The following MSR1 variants were observed in gnomAD, a reference collection of about 807,000 sequenced individuals.
MSR1 encodes macrophage scavenger receptor 1.
Under a neutral mutation model 47.2 loss-of-function variants are expected in MSR1, and 53 were observed. That is an observed-to-expected ratio of 1.12 (90% CI 0.90 to 1.41). The LOEUF (loss-of-function observed/expected upper bound fraction) is 1.41. Among genes scored for constraint, MSR1 ranks in the 40% most tolerant of loss-of-function variants. The pLI is 0.00. For synonymous variants in MSR1, 239 were observed against 185.6 expected, an observed-to-expected ratio of 1.29 and a Z score of -2.34; for missense variants, 786 against 546.9, an observed-to-expected ratio of 1.44 and a Z score of -4.36.
intron 8 of MSR1, among the ~76,000 whole-genome samples, chr8:16,132,384 T>C (rs1222758078): frequency 2.0e-5 from 3 of 152,158 alleles, no homozygotes; most frequent in Non-Finnish European, 2.9e-5. Context: ...GAAAGAGCTT[T>C]TGGGTCAAGA....
intron 8 of MSR1, among the ~76,000 whole-genome samples, chr8:16,136,705 C>T (rs144838426): frequency 6.6e-6 from 1 of 151,994 alleles, no homozygotes; most frequent in Non-Finnish European, 1.5e-5. Context: ...TGGGTTCAAG[C>T]GATTCTCCTG....
At chr8:16,139,900 A>T (rs1361719821) in intron 8 of MSR1, 4 of 413,426 alleles carry the variant, frequency 9.7e-6, no homozygotes, top group African/African-American at 2.3e-5. Flanking sequence ...AGGAATTAAA[A>T]TTTTTTTATC....
intron 8 of MSR1, among the ~76,000 whole-genome samples, chr8:16,131,358 C>A (rs1356039295): frequency 6.7e-6 from 1 of 149,958 alleles, no homozygotes; most frequent in African/African-American, 2.5e-5. Context: ...AAGTTCCTTA[C>A]AGATTCTGGA....
chr8:16,175,051 T>C (rs1801601054), intron 3 of MSR1, 136 bp downstream of exon 3: 2 of 725,380 alleles, frequency 2.8e-6, no homozygotes, highest in South Asian at 3.4e-5. Flanking sequence ...ACTTAACAAA[T>C]TTGAAGGACA....
chr8:16,183,193 C>T (rs1801886572), intron 1 of MSR1, among the ~76,000 whole-genome samples: 1 of 152,076 alleles, frequency 6.6e-6, no homozygotes, highest in African/African-American at 2.4e-5. Context: ...TTGATTATGG[C>T]TTTGATCCTC....
rs548962338 is a variant in MSR1, at chr8:16,175,087, G to C, written c.217+100C>G. The C allele has an allele frequency of 4.3e-6, 4 of 924,280 alleles. No homozygotes were observed. The African/African-American group carries it at 6.5e-5, about 15-fold the overall frequency. 57.3% of individuals were successfully genotyped at this position (924,280 alleles called of 1,614,324 possible). On this transcript the variant is annotated intron_variant, in intron 3 of 9. Coordinates refer to ENST00000262101, the MANE Select transcript of MSR1 (RefSeq NM_138715.3). ...CTTTGTAATGCAGTATTTTCTTTATGAATGTACCATATACAAAAGACTGAA... is the reference window on the plus strand; with the variant it reads ...CTTTGTAATGCAGTATTTTCTTTATCAATGTACCATATACAAAAGACTGAA...
At position 16,109,985 on chromosome 8, in the gene MSR1, C is replaced by A. The variant is rs1043035246; in HGVS notation, c.*100G>T. On this transcript the variant is annotated 3_prime_UTR_variant, in exon 10 of 10. Coordinates refer to ENST00000262101, the MANE Select transcript of MSR1 (RefSeq NM_138715.3). ...TCTAAAATATTATTTGGGCAATATTCTTAATCTCTTAAATATTGATTAAAT... is the reference window on the plus strand; with the variant it reads ...TCTAAAATATTATTTGGGCAATATTATTAATCTCTTAAATATTGATTAAAT... The A allele has an allele frequency of 2.1e-6, 3 of 1,407,578 alleles. No homozygotes were observed. The highest frequency in any genetic ancestry group is 2.8e-5 in the African/African-American group (2 of 70,246). The allele number at this position is 1,407,578 out of a possible 1,614,324, so 87.2% of individuals were successfully genotyped here. A position where few individuals can be genotyped will look rare whatever the true frequency, so the allele number is the denominator to read the frequency against.
At chr8:16,118,829 C>T (rs1488886992) in intron 9 of MSR1, among the ~76,000 whole-genome samples, 2 of 151,810 alleles carry the variant, frequency 1.3e-5, no homozygotes, top group African/African-American at 4.8e-5. Context: ...TCCAGAAAAA[C>T]AAAAAAGAAA....
intron 5 of MSR1, among the ~76,000 whole-genome samples, chr8:16,156,986 G>C (rs561302202): frequency 6.6e-6 from 1 of 152,038 alleles, no homozygotes; most frequent in South Asian, 2.1e-4. Context: ...TCCCAGGGGA[G>C]GGGGGCAAGC....
chr8:16,146,618 T>G (rs1239311963), intron 7 of MSR1, among the ~76,000 whole-genome samples: 1 of 152,096 alleles, frequency 6.6e-6, no homozygotes, highest in Non-Finnish European at 1.5e-5. Context: ...TGACCACCTT[T>G]GAAACTCTGT....
chr8:16,169,250 T>C (rs1481170685), intron 3 of MSR1, among the ~76,000 whole-genome samples: 1 of 152,204 alleles, frequency 6.6e-6, no homozygotes, highest in African/African-American at 2.4e-5. Flanking sequence ...CTTAATACAG[T>C]TTCTGAAGTA....
chr8:16,141,336 T>C (rs972592680), intron 8 of MSR1, among the ~76,000 whole-genome samples: 1 of 152,204 alleles, frequency 6.6e-6, no homozygotes, highest in African/African-American at 2.4e-5. Context: ...TGTGAGAGTG[T>C]TGAATGTAGC....
At chr8:16,165,451 C>CTTTCAGCATTGGGCTTTTTA (rs1801278093) in intron 4 of MSR1, among the ~76,000 whole-genome samples, 1 of 152,044 alleles carries the variant, frequency 6.6e-6, no homozygotes, top group Non-Finnish European at 1.5e-5. Flanking sequence ...TTGGTTTTCT[C>CTTTCAGCATTGGGCTTTTTA]TTTCAGCATT....
intron 8 of MSR1, among the ~76,000 whole-genome samples, chr8:16,132,053 C>T (rs1800273383): frequency 6.6e-6 from 1 of 151,466 alleles, no homozygotes; most frequent in African/African-American, 2.4e-5. Context: ...AGAGGAATAG[C>T]ATTGAATGTA....
intron 6 of MSR1, among the ~76,000 whole-genome samples, chr8:16,153,272 A>G (rs1800910791): frequency 6.6e-6 from 1 of 152,056 alleles, no homozygotes; most frequent in Admixed American, 6.6e-5. Context: ...GGCATCAAAT[A>G]TAAGGCAATT....
chr8:16,140,060 G>T, intron 8 of MSR1: 1 of 892,798 alleles, frequency 1.1e-6, no homozygotes, highest in East Asian at 1.3e-4. Context: ...TCCAGCTCAT[G>T]GAGGTACATA....
intron 4 of MSR1, among the ~76,000 whole-genome samples, chr8:16,168,119 C>T (rs35267322): frequency 9.7e-4 from 148 of 152,092 alleles, no homozygotes; most frequent in African/African-American, 3.4e-3. Context: ...AAAATTCACA[C>T]ATACAGAGTG....
intron 8 of MSR1, among the ~76,000 whole-genome samples, chr8:16,133,089 C>A (rs547156936): frequency 2.6e-5 from 4 of 152,034 alleles, no homozygotes; most frequent in African/African-American, 9.6e-5. Flanking sequence ...CAAACTTTTC[C>A]ATTATTAGTA....
chr8:16,190,796 A>T (rs1195846255), intron 1 of MSR1, among the ~76,000 whole-genome samples: 3 of 147,318 alleles, frequency 2.0e-5, no homozygotes, highest in Non-Finnish European at 4.4e-5. Flanking sequence ...ATCTTGGCTC[A>T]CCACAACCTC....
Sources: allele counts gnomAD v4.1 joint callset (sites outside exome capture counted in the v4.1 genomes callset), GRCh38; gene constraint gnomAD v4.1.1; transcripts MANE v1.5; gene names NCBI Gene and HGNC (gene_info 2026-07-23, HGNC 2026-07-21).